Variants in PIK3C2G observed in about 807,000 individuals in gnomAD.
PIK3C2G encodes phosphatidylinositol 3-kinase C2 domain-containing subunit gamma.
Under a neutral mutation model 181.1 loss-of-function variants are expected in PIK3C2G, and 168 were observed. That is an observed-to-expected ratio of 0.93 (90% CI 0.82 to 1.05). The LOEUF (loss-of-function observed/expected upper bound fraction) is 1.05. Ranked by LOEUF, PIK3C2G falls within the 50% of genes least tolerant of loss-of-function variation. PIK3C2G has a pLI of 0.00. For missense variants in PIK3C2G, 1,869 were observed against 1,732.8 expected, an observed-to-expected ratio of 1.08 and a Z score of -1.40; for synonymous variants, 573 against 592.2, an observed-to-expected ratio of 0.97 and a Z score of 0.47.
chr12:18,488,633 T>C lies in PIK3C2G; in HGVS notation c.2685+4T>C. ...TGCCAGTGACCATCAAAGACAGGTT[T>C]GTTGAAATATTAATATTCAGGTAGT... On this transcript the variant is annotated splice_donor_region_variant and intron_variant, in intron 19 of 32. Transcript: ENST00000538779. The C allele has an allele frequency of 6.8e-7, 1 of 1,469,392 alleles. No individual in the cohort carries two copies. The highest frequency in any genetic ancestry group is 9.1e-7 in the Non-Finnish European group (1 of 1,101,516). The allele number at this position is 1,469,392 out of a possible 1,614,324, so 91.0% of individuals were successfully genotyped here.
intron 11 of PIK3C2G, among the ~76,000 whole-genome samples, chr12:18,352,338 C>T (rs147333131): frequency 2.0e-5 from 3 of 152,166 alleles, no homozygotes; most frequent in South Asian, 2.1e-4. Context: ...GGACAGTTCC[C>T]GTGACCCTTC....
At chr12:18,525,624 C>G (rs1031687110) in intron 24 of PIK3C2G, among the ~76,000 whole-genome samples, 2 of 152,098 alleles carry the variant, frequency 1.3e-5, no homozygotes, top group African/African-American at 2.4e-5. Context: ...TCCTTCTTCT[C>G]AATTCTGTAT....
the PIK3C2G span, among the ~76,000 whole-genome samples, chr12:18,668,500 G>A: frequency 5.3e-5 from 8 of 152,116 alleles, no homozygotes; most frequent in Non-Finnish European, 8.8e-5. Flanking sequence ...CCTGCCTGCC[G>A]TCTACTACAA....
At chr12:18,573,795 G>A (rs767420445) in intron 29 of PIK3C2G, among the ~76,000 whole-genome samples, 12 of 152,084 alleles carry the variant, frequency 7.9e-5, no homozygotes, top group Non-Finnish European at 7.4e-5. Context: ...CTCTACTACA[G>A]CCATTCTCTC....
chr12:18,570,612 C>T (rs1219288668), intron 29 of PIK3C2G, among the ~76,000 whole-genome samples: 1 of 150,190 alleles, frequency 6.7e-6, no homozygotes, highest in African/African-American at 2.5e-5. Context: ...CAGTATAGGG[C>T]ATTATCCAAG....
chr12:18,346,702 C>T lies in PIK3C2G; in HGVS notation c.1491C>T (p.Tyr497=), dbSNP rs17847788. 0.082 allele frequency: 132,901 copies of T among 1,612,550 alleles called. 8,082 individuals are homozygous for T. Among genetic ancestry groups the T allele is most frequent in the Admixed American group, 0.28 (16,905 of 59,932 alleles). Residue 497 remains tyrosine, a synonymous_variant, in exon 11 of 33, where the codon TAC becomes TAT. Coordinates refer to ENST00000538779, the MANE Select transcript of PIK3C2G (RefSeq NM_001288772.2). ...CCATCTACCAGCTAATCAATGTCTA[C>T]TGTAACAGCTTTTATGCAGATTTTC... ...STSIYQLINV[Y]CNSFYADFQP...
chr12:18,583,395 C>A (rs1007283489), intron 29 of PIK3C2G, among the ~76,000 whole-genome samples: 2 of 152,090 alleles, frequency 1.3e-5, no homozygotes, highest in Non-Finnish European at 2.9e-5. Flanking sequence ...TGTATCTCCT[C>A]AGTGGGTGGG....
intron 24 of PIK3C2G, among the ~76,000 whole-genome samples, chr12:18,528,950 C>G (rs537083730): frequency 2.0e-5 from 3 of 152,112 alleles, no homozygotes; most frequent in Non-Finnish European, 4.4e-5. Flanking sequence ...GAGGTAGATA[C>G]TGTTATTTTC....
At position 18,276,507 on chromosome 12, in the gene PIK3C2G, A is replaced by G. The variant is rs552158549; in HGVS notation, c.-78-5497A>G. Among the ~76,000 whole-genome samples, 388 of 152,302 alleles carry G rather than the reference A, an allele frequency of 2.5e-3. 1 individual carries two copies. The highest frequency in any genetic ancestry group is 0.014 in the Middle Eastern group (4 of 294). On this transcript the variant is annotated intron_variant, in intron 1 of 32. Coordinates refer to ENST00000538779, the MANE Select transcript of PIK3C2G (RefSeq NM_001288772.2). ...ATCTTTGACATATTGCACATTCTAA[A>G]CAAAAACATACCCAATATATAAACC...
chr12:18,465,399 G>T (rs1937747888), intron 18 of PIK3C2G, among the ~76,000 whole-genome samples: 2 of 151,806 alleles, frequency 1.3e-5, no homozygotes, highest in Admixed American at 6.6e-5. Flanking sequence ...TATAGGTTTT[G>T]CTTTCTTTGT....
chr12:18,696,017 A>G, the PIK3C2G span: 1 of 563,444 alleles, frequency 1.8e-6, no homozygotes, highest in Non-Finnish European at 3.2e-6. Context: ...ACCCACCATT[A>G]GTGCCTGACC....
At chr12:18,688,078 C>T in the PIK3C2G span, 10 of 1,609,792 alleles carry the variant, frequency 6.2e-6, no homozygotes, top group African/African-American at 1.1e-4. Context: ...TAAGGTATAT[C>T]AGGAGCTCAC....
chr12:18,391,024 C>T, intron 14 of PIK3C2G, 98 bp from the exon 15 acceptor site: 1 of 758,798 alleles, frequency 1.3e-6, no homozygotes, highest in South Asian at 4.4e-5. Context: ...AGAATTTATT[C>T]TGTTCTTTAG....
intron 15 of PIK3C2G, among the ~76,000 whole-genome samples, chr12:18,398,102 C>T (rs1038594603): frequency 1.3e-5 from 2 of 151,982 alleles, no homozygotes; most frequent in Non-Finnish European, 2.9e-5. Flanking sequence ...AAAATGATAC[C>T]AGTGCTTGCC....
chr12:18,647,917 A>T lies in PIK3C2G; in HGVS notation c.4350A>T (p.Leu1450Phe). The T allele has an allele frequency of 6.3e-7, 1 of 1,596,404 alleles. No individual in the cohort carries two copies. Among genetic ancestry groups the T allele is most frequent in the South Asian group, 1.1e-5 (1 of 88,922 alleles). ...DEVTELQGHVLMLIVKSKTVF... is the reference protein window; with the variant it reads ...DEVTELQGHVFMLIVKSKTVF... ...TCACAGAGCTCCAAGGACATGTCTT[A>T]ATGCTTATTGTGAAGAGTAAAACTG... The change falls in exon 33 of 33, where the codon TTA becomes TTT. Residue 1450 changes from leucine to phenylalanine, a missense_variant. Transcript: ENST00000538779.
chr12:18,510,449 A>T (rs1376723817), intron 24 of PIK3C2G, among the ~76,000 whole-genome samples: 3 of 152,222 alleles, frequency 2.0e-5, no homozygotes, highest in African/African-American at 7.2e-5. Flanking sequence ...TGATAATTAC[A>T]TGCTCTCATA....
chr12:18,670,289 T>C, the PIK3C2G span, among the ~76,000 whole-genome samples: 2 of 151,602 alleles, frequency 1.3e-5, no homozygotes, highest in African/African-American at 2.4e-5. Context: ...ATTACACACA[T>C]ATGCGCACAC....
At chr12:18,351,249 T>C (rs956496449) in intron 11 of PIK3C2G, among the ~76,000 whole-genome samples, 2 of 152,044 alleles carry the variant, frequency 1.3e-5, no homozygotes, top group Non-Finnish European at 2.9e-5. Flanking sequence ...AATAAACATA[T>C]GGAATATGGT....
chr12:18,313,269 T>C (rs1018146491), intron 5 of PIK3C2G, among the ~76,000 whole-genome samples: 4 of 152,108 alleles, frequency 2.6e-5, no homozygotes, highest in African/African-American at 4.8e-5. Context: ...TAAATATTTA[T>C]AGGCAAAAAA....
Sources: allele counts gnomAD v4.1 joint callset (sites outside exome capture counted in the v4.1 genomes callset), GRCh38; gene constraint gnomAD v4.1.1; transcripts MANE v1.5; gene names NCBI Gene and HGNC (gene_info 2026-07-23, HGNC 2026-07-21).